ACYP2: variants seen among roughly 807,000 people sequenced by gnomAD.
The protein encoded by ACYP2 is acylphosphatase-2.
A neutral mutation model predicts 11.2 loss-of-function variants in ACYP2; 12 were observed. The observed-to-expected ratio is 1.08, with a 90% confidence interval of 0.69 to 1.74. ACYP2 has a LOEUF of 1.74. Among genes scored for constraint, ACYP2 ranks in the 40% most tolerant of loss-of-function variants. The pLI is 0.00. For synonymous variants in ACYP2, 43 were observed against 32.2 expected, an observed-to-expected ratio of 1.33 and a Z score of -1.13; for missense variants, 134 against 101.9, an observed-to-expected ratio of 1.31 and a Z score of -1.35.
At chr2:54,029,474 T>C in intron 2 of ACYP2, 1 of 350,854 alleles carries the variant, frequency 2.9e-6, no homozygotes, top group Non-Finnish European at 5.4e-6. Flanking sequence ...TATATGTGTA[T>C]ATATGTATTA....
chr2:54,034,583 T>G (rs879655634), intron 2 of ACYP2, among the ~76,000 whole-genome samples: 4 of 152,184 alleles, frequency 2.6e-5, no homozygotes, highest in Admixed American at 1.3e-4. Context: ...GTCTAAGATG[T>G]TTGCACTACG....
intron 2 of ACYP2, among the ~76,000 whole-genome samples, chr2:54,004,531 C>T (rs1672959269): frequency 1.3e-5 from 2 of 150,990 alleles, no homozygotes; most frequent in East Asian, 4.0e-4. Context: ...CTGCCTCAGC[C>T]TTCCAAGTAG....
intron 2 of ACYP2, among the ~76,000 whole-genome samples, chr2:54,014,512 G>T (rs2104539821): frequency 6.6e-6 from 1 of 151,962 alleles, no homozygotes; most frequent in South Asian, 2.1e-4. Context: ...GTAGAGACAG[G>T]GTTTCACCAC....
chr2:54,249,430 G>A (rs1162059729), intron 6 of ACYP2, among the ~76,000 whole-genome samples: 4 of 128,412 alleles, frequency 3.1e-5, no homozygotes, highest in East Asian at 2.3e-4. Flanking sequence ...GTGAGACTCC[G>A]TCTCAAAAAA....
intron 2 of ACYP2, among the ~76,000 whole-genome samples, chr2:54,011,582 C>G (rs72800705): frequency 2.7e-3 from 411 of 152,244 alleles, no homozygotes; most frequent in Admixed American, 4.8e-3. Flanking sequence ...TTTTGGGGAA[C>G]CTTTTTATTT....
chr2:54,134,293 AAAAT>A (rs1283754013), intron 4 of ACYP2, among the ~76,000 whole-genome samples: 2 of 152,132 alleles, frequency 1.3e-5, no homozygotes, highest in South Asian at 2.1e-4. Context: ...CCCTGTCTCT[AAAAT>A]AAATAAATAA....
intron 4 of ACYP2, among the ~76,000 whole-genome samples, chr2:54,105,453 C>A (rs891709743): frequency 2.6e-5 from 4 of 152,024 alleles, no homozygotes; most frequent in Non-Finnish European, 5.9e-5. Flanking sequence ...CCCTAATCTA[C>A]CCCCATCTCT....
At chr2:54,038,872 A>G (rs1040983873) in intron 2 of ACYP2, among the ~76,000 whole-genome samples, 4 of 151,862 alleles carry the variant, frequency 2.6e-5, no homozygotes, top group African/African-American at 9.7e-5. Context: ...GCAGGAAAAA[A>G]AAGTAAAGCC....
chr2:54,243,350 T>G (rs1000974540), intron 6 of ACYP2, among the ~76,000 whole-genome samples: 20 of 152,088 alleles, frequency 1.3e-4, no homozygotes, highest in Non-Finnish European at 2.4e-4. Flanking sequence ...GGCACGTTAT[T>G]GTACTTAATA....
Position 54,033,444 on chromosome 2 carries a change from C to T in ACYP2, c.63-17514C>T, listed in dbSNP as rs570890357. 2.0e-5 allele frequency among the ~76,000 whole-genome samples: 3 copies of T among 151,816 alleles called. No individual in the cohort carries two copies. In the East Asian group the frequency reaches 5.8e-4, roughly 29 times the overall value. On this transcript the variant is annotated intron_variant, in intron 2 of 6. Coordinates refer to ENST00000607452, the MANE Select transcript of ACYP2 (RefSeq NM_001320586.2). Reference sequence around the variant, plus strand: ...CCCAGGCTGGTCTCGAACTCTTGGGCTCAAGCAAACTTCCTGTCTCAGCCT... The same window carrying T: ...CCCAGGCTGGTCTCGAACTCTTGGGTTCAAGCAAACTTCCTGTCTCAGCCT...
intron 6 of ACYP2, chr2:54,142,297 A>AAT (rs2103791202): frequency 5.7e-6 from 1 of 174,602 alleles, no homozygotes; most frequent in South Asian, 2.0e-4. Context: ...TTAATGGACC[A>AAT]ATATGGATAC....
chr2:54,092,667 G>A (rs1678298221), intron 4 of ACYP2, among the ~76,000 whole-genome samples: 1 of 152,174 alleles, frequency 6.6e-6, no homozygotes, highest in African/African-American at 2.4e-5. Flanking sequence ...TTGGCCCCCT[G>A]ACATTCTAGT....
intron 6 of ACYP2, among the ~76,000 whole-genome samples, chr2:54,157,870 C>T (rs1682504677): frequency 6.6e-6 from 1 of 152,140 alleles, no homozygotes; most frequent in African/African-American, 2.4e-5. Flanking sequence ...CTGGGAAGAG[C>T]TTTCTGTGCA....
At chr2:53,994,616 C>G (rs1363504231) in intron 2 of ACYP2, among the ~76,000 whole-genome samples, 1 of 151,864 alleles carries the variant, frequency 6.6e-6, no homozygotes, top group Non-Finnish European at 1.5e-5. Context: ...ATGCTTCAAC[C>G]TCTACCAAGA....
chr2:54,051,481 G>A (rs1470366007), intron 3 of ACYP2: 2 of 694,488 alleles, frequency 2.9e-6, no homozygotes, highest in African/African-American at 1.8e-5. Flanking sequence ...GGATCCCAGT[G>A]CACCCAAGAG....
intron 6 of ACYP2, among the ~76,000 whole-genome samples, chr2:54,234,557 A>C (rs1686389408): frequency 6.6e-6 from 1 of 152,264 alleles, no homozygotes; most frequent in Non-Finnish European, 1.5e-5. Context: ...TACCAAGTGG[A>C]AAATTTGCTC....
At chr2:54,196,317 A>G (rs1182220607) in intron 6 of ACYP2, among the ~76,000 whole-genome samples, 10 of 152,116 alleles carry the variant, frequency 6.6e-5, no homozygotes, top group African/African-American at 1.2e-4. Context: ...GGCTCAAGCC[A>G]TCCTCCCACC....
intron 4 of ACYP2, among the ~76,000 whole-genome samples, chr2:54,078,603 G>A (rs1390472004): frequency 7.7e-6 from 1 of 129,974 alleles, no homozygotes; most frequent in African/African-American, 2.6e-5. Flanking sequence ...ATCTCAATAA[G>A]CTTTTTTTTT....
intron 6 of ACYP2, among the ~76,000 whole-genome samples, chr2:54,235,494 G>A (rs1686434723): frequency 6.6e-6 from 1 of 151,992 alleles, no homozygotes; most frequent in African/African-American, 2.4e-5. Context: ...GACTATAGGC[G>A]CCCACCACCA....
Sources: allele counts gnomAD v4.1 joint callset (sites outside exome capture counted in the v4.1 genomes callset), GRCh38; gene constraint gnomAD v4.1.1; transcripts MANE v1.5; gene names NCBI Gene and HGNC (gene_info 2026-07-23, HGNC 2026-07-21).